The following SLC16A7 variants were observed in gnomAD, a reference collection of about 807,000 sequenced individuals.
SLC16A7 encodes the protein solute carrier family 16 member 7.
Under a neutral mutation model 34.9 loss-of-function variants are expected in SLC16A7, and 33 were observed. The ratio of observed to expected loss-of-function variants is 0.94; its 90% confidence interval spans 0.72 to 1.26. The LOEUF is 1.26. Ranked by LOEUF, SLC16A7 falls within the 50% of genes most tolerant of loss-of-function variation. The pLI is 0.00. For missense variants in SLC16A7, 573 were observed against 578.1 expected (o/e 0.99, Z 0.09); for synonymous variants, 201 against 206.6 (o/e 0.97, Z 0.23).
At chr12:59,710,710 G>T (rs1186487694) in intron 3 of SLC16A7, among the ~76,000 whole-genome samples, 2 of 152,008 alleles carry the variant, frequency 1.3e-5, no homozygotes, top group Non-Finnish European at 2.9e-5. Flanking sequence ...TATCTTTCCT[G>T]ATTTTTGGCT....
intron 3 of SLC16A7, among the ~76,000 whole-genome samples, chr12:59,737,260 T>C (rs1877705779): frequency 1.3e-5 from 2 of 152,180 alleles, no homozygotes; most frequent in Non-Finnish European, 2.9e-5. Flanking sequence ...ATAATAATAA[T>C]AAAGAGGCTA....
At chr12:59,647,980 C>T (rs1047990821) in intron 1 of SLC16A7, among the ~76,000 whole-genome samples, 9 of 151,938 alleles carry the variant, frequency 5.9e-5, no homozygotes, top group East Asian at 3.9e-4. Flanking sequence ...CTGAACTTGG[C>T]GAGGTAAAAG....
At chr12:59,640,724 A>G (rs1292142292) in intron 1 of SLC16A7, among the ~76,000 whole-genome samples, 2 of 152,058 alleles carry the variant, frequency 1.3e-5, no homozygotes, top group African/African-American at 4.8e-5. Context: ...CCTATCCAAA[A>G]CAAGTTCTGC....
chr12:59,668,322 G>T (rs1869380053), intron 2 of SLC16A7, among the ~76,000 whole-genome samples: 1 of 152,194 alleles, frequency 6.6e-6, no homozygotes. Flanking sequence ...CTGGGAGGAG[G>T]TTTGTACCCT....
chr12:59,663,464 G>T (rs1868963793), intron 2 of SLC16A7, among the ~76,000 whole-genome samples: 2 of 151,964 alleles, frequency 1.3e-5, no homozygotes, highest in Non-Finnish European at 1.5e-5. Flanking sequence ...GGTACAAAAT[G>T]AAGTTATTCA....
At chr12:59,764,799 G>T (rs1881416836) in intron 3 of SLC16A7, among the ~76,000 whole-genome samples, 1 of 152,094 alleles carries the variant, frequency 6.6e-6, no homozygotes, top group Non-Finnish European at 1.5e-5. Context: ...ACATACGTGT[G>T]CATGTGTCTT....
intron 3 of SLC16A7, among the ~76,000 whole-genome samples, chr12:59,755,498 T>A (rs919044576): frequency 6.6e-6 from 1 of 152,098 alleles, no homozygotes; most frequent in African/African-American, 2.4e-5. Flanking sequence ...GTGAACTCCC[T>A]TTCACAATTG....
At chr12:59,613,821 T>C (rs1468720512) in intron 1 of SLC16A7, among the ~76,000 whole-genome samples, 1 of 152,084 alleles carries the variant, frequency 6.6e-6, no homozygotes, top group Non-Finnish European at 1.5e-5. Context: ...AAGCTAAGAG[T>C]CTATGACCAA....
chr12:59,770,141 G>T (rs984256347), intron 3 of SLC16A7, among the ~76,000 whole-genome samples: 2 of 152,030 alleles, frequency 1.3e-5, no homozygotes, highest in Non-Finnish European at 2.9e-5. Context: ...CTTAAATGCA[G>T]ATTATTTTAA....
At position 59,732,302 on chromosome 12, in the gene SLC16A7, C is replaced by A. The variant is rs564677714; in HGVS notation, c.217+27284C>A. ...TGGCATGGTGGCACATGCCTGAAAT[C>A]CCAGCTACTTGGGAGGCTGAGGCAG... On this transcript the variant is annotated intron_variant, in intron 3 of 5. Coordinates refer to ENST00000547379, the MANE Select transcript of SLC16A7 (RefSeq NM_001270623.2). Among the ~76,000 whole-genome samples the A allele has an allele frequency of 2.0e-3, 303 of 152,100 alleles. 1 individual carries two copies. The highest frequency in any genetic ancestry group is 7.1e-3 in the African/African-American group (293 of 41,488).
At chr12:59,741,580 T>C (rs772559458) in intron 3 of SLC16A7, among the ~76,000 whole-genome samples, 1 of 152,212 alleles carries the variant, frequency 6.6e-6, no homozygotes, top group Admixed American at 6.5e-5. Flanking sequence ...GATAGCATGC[T>C]AATACAGTCA....
intron 3 of SLC16A7, chr12:59,735,945 G>A (rs891191894): frequency 3.5e-5 from 43 of 1,243,194 alleles, no homozygotes; most frequent in East Asian, 1.7e-4. Flanking sequence ...AAGGAGAAGC[G>A]GAATGCATCA....
intron 4 of SLC16A7, 139 bp from the exon 5 acceptor site, chr12:59,774,518 T>C: frequency 1.9e-6 from 1 of 515,686 alleles, no homozygotes; most frequent in Non-Finnish European, 3.4e-6. Context: ...ATTACATTTA[T>C]AATAATCAAA....
intron 2 of SLC16A7, among the ~76,000 whole-genome samples, chr12:59,678,261 A>T (rs1870468408): frequency 1.3e-5 from 2 of 152,280 alleles, no homozygotes; most frequent in Non-Finnish European, 2.9e-5. Context: ...CAGTTCTTTT[A>T]GCCCCACCAT....
At chr12:59,714,473 G>C (rs564268040) in intron 3 of SLC16A7, among the ~76,000 whole-genome samples, 1 of 151,924 alleles carries the variant, frequency 6.6e-6, no homozygotes, top group Non-Finnish European at 1.5e-5. Flanking sequence ...CTCTCTCTTC[G>C]GCTTGTTAGA....
intron 4 of SLC16A7, 56 bp downstream of exon 4, chr12:59,771,418 A>G (rs956170344): frequency 1.7e-6 from 2 of 1,184,094 alleles, no homozygotes; most frequent in Non-Finnish European, 1.1e-6. Flanking sequence ...TCAAAGCTCT[A>G]TGAGAAGAAT....
At chr12:59,755,428 T>C (rs1414894541) in intron 3 of SLC16A7, among the ~76,000 whole-genome samples, 4 of 152,154 alleles carry the variant, frequency 2.6e-5, no homozygotes, top group African/African-American at 7.2e-5. Flanking sequence ...AAAATTAATG[T>C]ACAAAAATCA....
intron 3 of SLC16A7, among the ~76,000 whole-genome samples, chr12:59,752,527 A>T (rs2137337064): frequency 6.6e-6 from 1 of 152,298 alleles, no homozygotes; most frequent in South Asian, 2.1e-4. Flanking sequence ...GAAATGAATG[A>T]AATGAAGCAA....
At chr12:59,779,085 A>T (rs895828192) in intron 5 of SLC16A7, among the ~76,000 whole-genome samples, 2 of 152,128 alleles carry the variant, frequency 1.3e-5, no homozygotes, top group Non-Finnish European at 2.9e-5. Flanking sequence ...GTAAATAGAG[A>T]TATCTATATT....
Sources: allele counts gnomAD v4.1 joint callset (sites outside exome capture counted in the v4.1 genomes callset), GRCh38; gene constraint gnomAD v4.1.1; transcripts MANE v1.5; gene names NCBI Gene and HGNC (gene_info 2026-07-23, HGNC 2026-07-21).